The following LRCH1 variants were observed in gnomAD, a reference collection of about 807,000 sequenced individuals.
LRCH1 encodes the protein leucine rich repeats and calponin homology domain containing 1.
LRCH1 carries 23 observed loss-of-function variants against 94.9 expected under a neutral mutation model. The ratio of observed to expected loss-of-function variants is 0.24; its 90% CI spans 0.17 to 0.34. The LOEUF is 0.34. LRCH1 is among the 10% of genes least tolerant of loss of function. The pLI is 1.00. For missense variants in LRCH1, 790 were observed against 945.9 expected (o/e 0.84, Z 2.16); for synonymous variants, 364 against 354.9 (o/e 1.03, Z -0.29).
chr13:46,553,384 G>A lies in LRCH1; in HGVS notation c.-13G>A. 1 of 1,523,264 alleles carries A rather than the reference G, an allele frequency of 6.6e-7. No homozygotes were observed. Among genetic ancestry groups the A allele is most frequent in the South Asian group, 1.2e-5 (1 of 81,524 alleles). 94.4% of individuals were successfully genotyped at this position (1,523,264 alleles called of 1,614,324 possible). A position where few individuals can be genotyped will look rare whatever the true frequency, so the allele number is the denominator to read the frequency against. On this transcript the variant is annotated 5_prime_UTR_variant, in exon 1 of 20. Coordinates refer to ENST00000389797, the MANE Select transcript of LRCH1 (RefSeq NM_001164211.2). ...CAGGAGCGGCGGGGCGGGGTGGGGGGGCCCGGGAGAAGATGGCGACGCCGG... is the reference window on the plus strand; with the variant it reads ...CAGGAGCGGCGGGGCGGGGTGGGGGAGCCCGGGAGAAGATGGCGACGCCGG...
At chr13:46,683,500 AG>A (rs531639088) in intron 4 of LRCH1, among the ~76,000 whole-genome samples, 77 of 152,374 alleles carry the variant, frequency 5.1e-4, no homozygotes, top group African/African-American at 1.8e-3. Context: ...CAAGCACAAA[AG>A]GAAAGCTTAT....
chr13:46,745,744 A>G (rs1873884768), downstream of LRCH1, among the ~76,000 whole-genome samples: 1 of 152,222 alleles, frequency 6.6e-6, no homozygotes. Flanking sequence ...GACTTTATAT[A>G]TAAGAAGCAG....
At chr13:46,659,195 T>C (rs1188144424) in intron 2 of LRCH1, among the ~76,000 whole-genome samples, 1 of 75,386 alleles carries the variant, frequency 1.3e-5, no homozygotes. Flanking sequence ...TTTATTTATT[T>C]ATTTATTTAT....
At chr13:46,697,323 A>G (rs898096253) in intron 9 of LRCH1, among the ~76,000 whole-genome samples, 5 of 152,198 alleles carry the variant, frequency 3.3e-5, no homozygotes, top group Non-Finnish European at 7.3e-5. Flanking sequence ...CTGTTTAAAG[A>G]TACCTTATTT....
In LRCH1 at chr13:46,553,350, A is replaced by AC. The variant is rs755226994; in HGVS notation, c.-40dup. ...TTTTCCCCTCGCGGGGAACGCTGTG[A>AC]CCCCCCCGCAGGAGCGGCGGGGCGG... On this transcript the variant is annotated 5_prime_UTR_variant, in exon 1 of 20. Coordinates refer to ENST00000389797, the MANE Select transcript of LRCH1 (RefSeq NM_001164211.2). The AC allele has an allele frequency of 3.1e-4, 447 of 1,436,456 alleles. 2 individuals carry two copies. In the Middle Eastern group the frequency reaches 4.2e-3, roughly 14 times the overall value. 89.0% of individuals were successfully genotyped at this position (1,436,456 alleles called of 1,614,324 possible). A position where few individuals can be genotyped will look rare whatever the true frequency, so the allele number is the denominator to read the frequency against.
At chr13:46,572,530 T>C (rs577581217) in intron 1 of LRCH1, among the ~76,000 whole-genome samples, 4 of 152,202 alleles carry the variant, frequency 2.6e-5, no homozygotes, top group Non-Finnish European at 2.9e-5. Context: ...ATATGAATAC[T>C]TCAGAGTGGA....
chr13:46,752,774 TA>T (rs1431822408), exon 19 of LRCH1: 1 of 152,182 alleles, frequency 6.6e-6, no homozygotes, highest in Non-Finnish European at 1.5e-5. Flanking sequence ...TTTTCAAAAT[TA>T]AAGTATTTCT....
Position 46,715,616 on chromosome 13 carries a change from T to A in LRCH1, c.1711T>A (p.Trp571Arg). 1 of 1,537,230 alleles carries A rather than the reference T, an allele frequency of 6.5e-7. No homozygotes were observed. The highest frequency in any genetic ancestry group is 8.7e-7 in the Non-Finnish European group (1 of 1,146,840). The part of the protein sequence containing the change: ...SFNTLTQAQT[W>R]DSSSYSVPSE... ...CAACACACTTACACAGGCACAGACA[T>A]GGGACAGCTCTAGCTACAGTGTTCC... is the stretch of plus-strand genomic sequence containing the variant. Residue 571 changes from tryptophan to arginine, a missense_variant, in exon 16 of 20, where the codon TGG becomes AGG. Transcript: ENST00000389797.
In LRCH1 at chr13:46,699,403, T is replaced by A. The variant is rs757557749; in HGVS notation, c.1313T>A (p.Ile438Lys). The A allele has an allele frequency of 6.2e-7, 1 of 1,613,652 alleles. No individual in the cohort carries two copies. The highest frequency in any genetic ancestry group is 8.5e-7 in the Non-Finnish European group (1 of 1,179,526). The change falls in exon 10 of 20, where the codon ATA becomes AAA. Residue 438 changes from isoleucine to lysine, a missense_variant and splice_region_variant. By Grantham distance (102) the Ile-to-Lys change is moderately radical. Transcript: ENST00000389797. ...EEDVHWQTEG[I>K]ISSSKDQDMD... Reference sequence around the variant, plus strand: ...GATGTGCACTGGCAAACTGAGGGCATGTGAGTGCCGAGGCCTTGGTTACAA... The same window carrying A: ...GATGTGCACTGGCAAACTGAGGGCAAGTGAGTGCCGAGGCCTTGGTTACAA...
At chr13:46,721,539 T>A (rs1417986916) in intron 16 of LRCH1, among the ~76,000 whole-genome samples, 1 of 152,232 alleles carries the variant, frequency 6.6e-6, no homozygotes, top group Non-Finnish European at 1.5e-5. Flanking sequence ...CTCAGTTCCC[T>A]TTTCTCTGTG....
At chr13:46,658,886 G>C (rs988947674) in intron 2 of LRCH1, among the ~76,000 whole-genome samples, 2 of 152,164 alleles carry the variant, frequency 1.3e-5, no homozygotes, top group African/African-American at 4.8e-5. Flanking sequence ...TCATTAGATT[G>C]GTCAAGTTTT....
At chr13:46,745,415 G>A (rs567062018), downstream of LRCH1, among the ~76,000 whole-genome samples, 28 of 152,160 alleles carry the variant, frequency 1.8e-4, no homozygotes, top group Middle Eastern at 3.4e-3. Context: ...GGGAATAGGG[G>A]ACCGTGAACG....
Position 46,705,311 on chromosome 13 carries a change from C to A in LRCH1, c.1527+7C>A. The A allele has an allele frequency of 6.2e-7, 1 of 1,612,766 alleles. No homozygotes were observed. The highest frequency in any genetic ancestry group is 8.5e-7 in the Non-Finnish European group (1 of 1,178,962). The stretch of plus-strand genomic sequence containing the variant: ...GACATCTCCGGTGTGTGAGGTAAGG[C>A]TGCTGGTAGATTCACCAGAACTCTG... On this transcript the variant is annotated splice_region_variant and intron_variant, in intron 13 of 19. Coordinates refer to ENST00000389797, the MANE Select transcript of LRCH1 (RefSeq NM_001164211.2).
intron 14 of LRCH1, among the ~76,000 whole-genome samples, 179 bp from the exon 15 acceptor site, chr13:46,712,346 G>A (rs1318002037): frequency 6.6e-6 from 1 of 152,198 alleles, no homozygotes; most frequent in African/African-American, 2.4e-5. Context: ...CAAACATTCT[G>A]TTGGTTATGC....
At chr13:46,586,289 G>T (rs1272975849) in intron 1 of LRCH1, among the ~76,000 whole-genome samples, 1 of 152,204 alleles carries the variant, frequency 6.6e-6, no homozygotes, top group East Asian at 1.9e-4. Flanking sequence ...CATGATAGTT[G>T]TTGCCCAGGA....
At chr13:46,628,531 C>T (rs575073864) in intron 1 of LRCH1, among the ~76,000 whole-genome samples, 1 of 152,084 alleles carries the variant, frequency 6.6e-6, no homozygotes, top group East Asian at 1.9e-4. Context: ...GTGGCACGCA[C>T]CAGTAGTCCC....
In LRCH1 at chr13:46,718,114, CTTCACTTTGAAGTTAAAAACCAT is replaced by C. The variant is rs566235850; in HGVS notation, c.1759+2454_1759+2476del. 9.3e-3 allele frequency among the ~76,000 whole-genome samples: 1,420 copies of C among 152,296 alleles called. 23 individuals carry two copies. The highest frequency in any genetic ancestry group is 0.032 in the African/African-American group (1,349 of 41,548). ...CCTCTTACTGAATCTTTCCTCTTCC[CTTCACTTTGAAGTTAAAAACCAT>C]TTCTATCTTCTTTGGGGTCATTTTT... On this transcript the variant is annotated intron_variant, in intron 16 of 19. Coordinates refer to ENST00000389797, the MANE Select transcript of LRCH1 (RefSeq NM_001164211.2).
chr13:46,676,429 A>AACAGGTAAGG, intron 3 of LRCH1, among the ~76,000 whole-genome samples: 1 of 152,202 alleles, frequency 6.6e-6, no homozygotes, highest in South Asian at 2.1e-4. Context: ...GGATAATTAG[A>AACAGGTAAGG]ATTATTTAAT....
intron 11 of LRCH1, among the ~76,000 whole-genome samples, chr13:46,704,450 G>T (rs1455546475): frequency 2.0e-5 from 3 of 152,066 alleles, no homozygotes; most frequent in African/African-American, 7.2e-5. Context: ...CTGATTGTTA[G>T]TTTGACAGCA....
Sources: allele counts gnomAD v4.1 joint callset (sites outside exome capture counted in the v4.1 genomes callset), GRCh38; gene constraint gnomAD v4.1.1; transcripts MANE v1.5; gene names NCBI Gene and HGNC (gene_info 2026-07-23, HGNC 2026-07-21).